The following EML6 variants were observed in gnomAD, a reference collection of about 807,000 sequenced individuals.
EML6 encodes echinoderm microtubule-associated protein-like 6.
Under a neutral mutation model 240.1 loss-of-function variants are expected in EML6, and 154 were observed. The observed-to-expected ratio is 0.64, with a 90% CI of 0.56 to 0.73. EML6 has a LOEUF of 0.73. EML6 is among the 30% of genes least tolerant of loss of function. EML6 has a pLI of 0.00. For synonymous variants in EML6, 1,148 were observed against 899.0 expected, an observed-to-expected ratio of 1.28 and a Z score of -4.95; for missense variants, 2,964 against 2,474.6, an observed-to-expected ratio of 1.20 and a Z score of -4.20.
chr2:54,963,190 A>T (rs1446846417), intron 36 of EML6, among the ~76,000 whole-genome samples: 1 of 152,216 alleles, frequency 6.6e-6, no homozygotes, highest in East Asian at 1.9e-4. Flanking sequence ...CAGTGTTAAA[A>T]CAAGTACTCA....
chr2:54,964,285 A>T, intron 37 of EML6, 127 bp downstream of exon 37: 1 of 905,862 alleles, frequency 1.1e-6, no homozygotes, highest in Non-Finnish European at 1.6e-6. Context: ...CAAGCCACCT[A>T]TGAAAGAATA....
intron 7 of EML6, among the ~76,000 whole-genome samples, chr2:54,830,338 C>T (rs60853661): frequency 0.029 from 4,470 of 152,154 alleles, 186 homozygotes; most frequent in African/African-American, 0.095. Flanking sequence ...AGACCCTGCG[C>T]CAAGGGAGGG....
At chr2:54,966,663 T>G in intron 38 of EML6, 1 of 166,854 alleles carries the variant, frequency 6.0e-6, no homozygotes, top group East Asian at 1.7e-4. Flanking sequence ...ACCCTTTCGG[T>G]GTCTGTCTGG....
intron 17 of EML6, among the ~76,000 whole-genome samples, chr2:54,886,605 A>T (rs1672158658): frequency 6.6e-6 from 1 of 152,208 alleles, no homozygotes; most frequent in African/African-American, 2.4e-5. Context: ...CATTCTGGCC[A>T]ACACTTGTTA....
chr2:54,956,129 T>G (rs11696046), intron 32 of EML6, among the ~76,000 whole-genome samples: 3,290 of 152,248 alleles, frequency 0.022, 52 homozygotes, highest in East Asian at 0.05. Flanking sequence ...CTGAGCAGAC[T>G]AGAAGCCAAT....
intron 28 of EML6, among the ~76,000 whole-genome samples, chr2:54,931,491 C>T (rs915011345): frequency 5.3e-5 from 8 of 152,188 alleles, no homozygotes; most frequent in Non-Finnish European, 1.0e-4. Context: ...TGAAGCCAGG[C>T]AGCAGTGGCC....
intron 26 of EML6, among the ~76,000 whole-genome samples, chr2:54,919,571 C>G (rs988417154): frequency 3.3e-5 from 5 of 152,192 alleles, no homozygotes; most frequent in Admixed American, 3.3e-4. Flanking sequence ...CTGTCACTTA[C>G]CAGCCCTTCC....
intron 28 of EML6, among the ~76,000 whole-genome samples, chr2:54,943,294 G>C (rs1391921174): frequency 6.6e-6 from 1 of 152,010 alleles, no homozygotes; most frequent in African/African-American, 2.4e-5. Context: ...ATTCAAGACA[G>C]TTCCCTCACC....
chr2:54,739,887 A>T (rs1416183305), intron 2 of EML6, among the ~76,000 whole-genome samples: 1 of 152,218 alleles, frequency 6.6e-6, no homozygotes, highest in Non-Finnish European at 1.5e-5. Flanking sequence ...GAATGCAAAG[A>T]GAACTATGAA....
At chr2:54,925,545 A>G (rs1244402640) in intron 26 of EML6, among the ~76,000 whole-genome samples, 1 of 151,898 alleles carries the variant, frequency 6.6e-6, no homozygotes, top group Non-Finnish European at 1.5e-5. Flanking sequence ...TTCTCATTCT[A>G]CTTTCCTATG....
intron 9 of EML6, among the ~76,000 whole-genome samples, chr2:54,848,781 A>G (rs1269170729): frequency 6.6e-6 from 1 of 152,212 alleles, no homozygotes; most frequent in African/African-American, 2.4e-5. Context: ...TTCCAGTGTG[A>G]GCAGAAATTC....
intron 9 of EML6, among the ~76,000 whole-genome samples, chr2:54,849,305 C>A (rs779996756): frequency 3.3e-5 from 5 of 152,144 alleles, no homozygotes; most frequent in African/African-American, 1.2e-4. Context: ...TTGGAAATAT[C>A]TGATAGATTA....
At chr2:54,824,815 A>T (rs1297384276) in intron 5 of EML6, among the ~76,000 whole-genome samples, 1 of 152,186 alleles carries the variant, frequency 6.6e-6, no homozygotes, top group Non-Finnish European at 1.5e-5. Context: ...CAGCTCTAAC[A>T]AAATTTGCAT....
chr2:54,795,747 A>G (rs1669731653), intron 2 of EML6, among the ~76,000 whole-genome samples: 1 of 152,332 alleles, frequency 6.6e-6, no homozygotes, highest in South Asian at 2.1e-4. Context: ...CTAGCATAAT[A>G]TGTGATTTCC....
intron 2 of EML6, among the ~76,000 whole-genome samples, chr2:54,775,184 T>C (rs1668547356): frequency 6.6e-6 from 1 of 152,210 alleles, no homozygotes; most frequent in African/African-American, 2.4e-5. Context: ...TTTAAATCAA[T>C]CTTACCAATT....
At chr2:54,908,472 A>T (rs1470441748) in intron 24 of EML6, among the ~76,000 whole-genome samples, 4 of 152,182 alleles carry the variant, frequency 2.6e-5, no homozygotes, top group African/African-American at 9.7e-5. Context: ...AGATGAGTTT[A>T]TTGGAAAGAT....
At chr2:54,840,845 G>C (rs1295718137) in intron 7 of EML6, among the ~76,000 whole-genome samples, 1 of 152,188 alleles carries the variant, frequency 6.6e-6, no homozygotes. Flanking sequence ...AGTAAAAGTA[G>C]ATTATTTGTT....
Position 54,842,628 on chromosome 2 carries a change from C to T in EML6, c.848-1419C>T, listed in dbSNP as rs145417281. ...CAAATTGGAGCCCATCACATCCTGG[C>T]CTTGTTTTAAAGTATTTAGGAAATT... On this transcript the variant is annotated intron_variant, in intron 7 of 41. Transcript: ENST00000356458. Among the ~76,000 whole-genome samples the T allele has an allele frequency of 8.5e-5, 13 of 152,262 alleles. 1 individual carries two copies. In the East Asian group the frequency reaches 1.9e-3, roughly 23 times the overall value.
intron 28 of EML6, among the ~76,000 whole-genome samples, chr2:54,933,685 T>A (rs1023164400): frequency 1.3e-5 from 2 of 151,840 alleles, no homozygotes; most frequent in African/African-American, 4.8e-5. Context: ...CAAGCCAAGA[T>A]GGCACTGCTG....
Sources: allele counts gnomAD v4.1 joint callset (sites outside exome capture counted in the v4.1 genomes callset), GRCh38; gene constraint gnomAD v4.1.1; transcripts MANE v1.5; gene names NCBI Gene and HGNC (gene_info 2026-07-23, HGNC 2026-07-21).